TEKT2: variants seen among roughly 807,000 people sequenced by gnomAD.
TEKT2 encodes the protein tektin 2, also known as tektin-2.
Under a neutral mutation model 49.8 loss-of-function variants are expected in TEKT2, and 45 were observed. The ratio of observed to expected loss-of-function variants is 0.90; its 90% CI spans 0.71 to 1.16. TEKT2 has a LOEUF of 1.16. TEKT2 is among the 50% of genes most tolerant of loss of function. TEKT2 has a pLI of 0.00. For synonymous variants in TEKT2, 202 were observed against 224.6 expected (o/e 0.90, Z 0.90); for missense variants, 523 against 551.4 (o/e 0.95, Z 0.52).
chr1:36,085,461 A>T (rs1416058024), intron 3 of TEKT2, among the ~76,000 whole-genome samples, 173 bp downstream of exon 3: 10 of 114,134 alleles, frequency 8.8e-5, no homozygotes, highest in African/African-American at 3.4e-4. Context: ...CCCCACCAGC[A>T]CCCCCGCCCA....
intron 5 of TEKT2, 29 bp from the exon 6 acceptor site, chr1:36,086,902 A>G: frequency 6.2e-7 from 1 of 1,613,858 alleles, no homozygotes; most frequent in Non-Finnish European, 8.5e-7. Flanking sequence ...CCACACCCTC[A>G]TGACCCCCAT....
At position 36,087,476 on chromosome 1, in the gene TEKT2, G is replaced by A. The variant is rs561472596; in HGVS notation, c.893G>A (p.Arg298Gln). 3.1e-6 allele frequency: 5 copies of A among 1,613,788 alleles called. No homozygotes were observed. The highest frequency in any genetic ancestry group is 4.5e-5 in the East Asian group (2 of 44,884). Reference protein sequence around the residue: ...EEIAELQEDIRHLEEDLRTKL... With the variant: ...EEIAELQEDIQHLEEDLRTKL... Reference sequence around the variant, plus strand: ...ATCGCTGAGCTGCAGGAGGACATCCGGCACCTGGAGGAGGATCTGCGCACA... The same window carrying A: ...ATCGCTGAGCTGCAGGAGGACATCCAGCACCTGGAGGAGGATCTGCGCACA... Residue 298 changes from arginine (R) to glutamine (Q), a missense_variant, in exon 8 of 10, where the codon CGG becomes CAG. By Grantham distance (43) the Arg-to-Gln change is conservative. Coordinates refer to ENST00000207457, the MANE Select transcript of TEKT2 (RefSeq NM_014466.3). The surrounding 1 kb of genome is among the most constrained non-coding windows in gnomAD (Gnocchi z 4.9).
chr1:36,087,973 G>A lies in TEKT2; in HGVS notation c.1080G>A (p.Gln360=). Residue 360 remains glutamine, a splice_region_variant and synonymous_variant, in exon 10 of 10, where the codon CAG becomes CAA. Transcript: ENST00000207457. The surrounding 1 kb of genome is among the most constrained non-coding windows in gnomAD (Gnocchi z 4.9). ...AALKQKLAQA[Q]DALDALCKHL... ...GGGGGTTGTCAATGTCCTTCCCTAG[G>A]GACGCACTGGACGCCCTGTGCAAGC... 6.2e-7 allele frequency: 1 copy of A among 1,608,866 alleles called. No homozygotes were observed. The highest frequency in any genetic ancestry group is 1.1e-5 in the South Asian group (1 of 90,398).
chr1:36,085,242 A>G lies in TEKT2; in HGVS notation c.236A>G (p.Asp79Gly), dbSNP rs768854218. 24 of 1,614,054 alleles carry G rather than the reference A, an allele frequency of 1.5e-5. No homozygotes were observed. The East Asian group carries it at 2.7e-4, about 18-fold the overall frequency. Residue 79 changes from aspartate to glycine, a missense_variant, in exon 3 of 10, where the codon GAC becomes GGC. Transcript: ENST00000207457. ...DTVNRWKEML[D>G]KCLTDLDAEI... is the part of the protein sequence containing the mutation. Reference sequence around the variant, plus strand: ...GTCAACCGGTGGAAGGAGATGCTGGACAAGTGTCTGACAGATTTAGATGCC... The same window carrying G: ...GTCAACCGGTGGAAGGAGATGCTGGGCAAGTGTCTGACAGATTTAGATGCC...
intron 3 of TEKT2, 144 bp downstream of exon 3, chr1:36,085,432 G>A (rs576453896): frequency 9.6e-5 from 120 of 1,255,666 alleles, no homozygotes; most frequent in Middle Eastern, 2.6e-4. Context: ...GGGGACAAGC[G>A]CTACTTCCCC....
Position 36,088,060 on chromosome 1 carries a change from G to A in TEKT2, c.1167G>A (p.Lys389=), listed in dbSNP as rs1171470640. ...CCAACTCCATGCTGCTGGACACCAA[G>A]TGCATGGACACACGGCGCAAGCTGA... The part of the protein sequence containing the change: ...CKANSMLLDT[K]CMDTRRKLTV... The change falls in exon 10 of 10, where the codon AAG becomes AAA. Residue 389 remains lysine (K), a synonymous_variant. Transcript: ENST00000207457. 1.2e-6 allele frequency: 2 copies of A among 1,613,028 alleles called. No individual in the cohort carries two copies. The highest frequency in any genetic ancestry group is 4.5e-5 in the East Asian group (2 of 44,872).
chr1:36,087,311 T>C lies in TEKT2; in HGVS notation c.855T>C (p.Asn285=), dbSNP rs1227496093. The part of the protein sequence containing the change: ...VYSELKWQEK[N]TLEEIAELQE... ...GTGAGCTCAAGTGGCAAGAGAAGAA[T>C]GTGAGCATCTCCAGGGGCCTGGACT... The change falls in exon 7 of 10, where the codon AAT becomes AAC. Residue 285 remains asparagine (N), a splice_region_variant and synonymous_variant. Transcript: ENST00000207457. This position sits in a 1 kb window ranked among gnomAD's most constrained non-coding sequence, Gnocchi z 4.9. 2 of 1,614,052 alleles carry C rather than the reference T, an allele frequency of 1.2e-6. No homozygotes were observed. Among genetic ancestry groups the C allele is most frequent in the East Asian group, 2.2e-5 (1 of 44,876 alleles).
rs766312906 is a variant in TEKT2 at position 36,084,919 on chromosome 1, G to T, written c.-3G>T. On this transcript the variant is annotated 5_prime_UTR_variant, in exon 2 of 10. Transcript: ENST00000207457. This position sits in a 1 kb window ranked among gnomAD's most constrained non-coding sequence, Gnocchi z 4.1. Reference sequence around the variant, plus strand: ...GGTTTCTGACCCTTCTGGTTTCTGTGCCATGGCCACGCTGAGCGTCAAGCC... The same window carrying T: ...GGTTTCTGACCCTTCTGGTTTCTGTTCCATGGCCACGCTGAGCGTCAAGCC... The T allele has an allele frequency of 6.2e-7, 1 of 1,613,620 alleles. No homozygotes were observed. The highest frequency in any genetic ancestry group is 8.5e-7 in the Non-Finnish European group (1 of 1,180,050).
chr1:36,084,105 CTG>C lies in TEKT2; in HGVS notation c.-96_-95del, dbSNP rs1643326569. The C allele has an allele frequency of 6.6e-6, 1 of 152,320 alleles. No homozygotes were observed. The highest frequency in any genetic ancestry group is 2.1e-4 in the South Asian group (1 of 4,838). 9.4% of individuals were successfully genotyped at this position (152,320 alleles called of 1,614,324 possible). On this transcript the variant is annotated 5_prime_UTR_variant, in exon 1 of 10. Transcript: ENST00000207457. This position sits in a 1 kb window ranked among gnomAD's most constrained non-coding sequence, Gnocchi z 4.1. The stretch of plus-strand genomic sequence containing the variant: ...GCCTAGCAACCGGTGGTGCCAAACA[CTG>C]GAGCTCAGAGCGGGGGGCGCGGAGA...
chr1:36,086,773 C>T lies in TEKT2; in HGVS notation c.558C>T (p.Asp186=). The T allele has an allele frequency of 1.2e-6, 2 of 1,614,194 alleles. No individual in the cohort carries two copies. The highest frequency in any genetic ancestry group is 8.5e-7 in the Non-Finnish European group (1 of 1,180,028). Residue 186 remains aspartate, a synonymous_variant, in exon 5 of 10, where the codon GAC becomes GAT. Coordinates refer to ENST00000207457, the MANE Select transcript of TEKT2 (RefSeq NM_014466.3). ...HRGKMETLEI[D]RGCLSLNLRS... ...GCAAAATGGAGACACTAGAGATCGA[C>T]AGAGGCTGTCTCTCTCTCAACCTCA...
chr1:36,086,358 C>T (rs1643372918), intron 4 of TEKT2, among the ~76,000 whole-genome samples: 1 of 152,190 alleles, frequency 6.6e-6, no homozygotes, highest in African/African-American at 2.4e-5. Flanking sequence ...AGCGCAGCTA[C>T]ATCCGTGTGC....
chr1:36,087,086 G>C lies in TEKT2; in HGVS notation c.747+41G>C, dbSNP rs371193288. ...CAGCTAATGGATGGTCCCAGTGTGCGCTCAGCCCTTATCTTCTGTTCCCTG... is the reference window on the plus strand; with the variant it reads ...CAGCTAATGGATGGTCCCAGTGTGCCCTCAGCCCTTATCTTCTGTTCCCTG... On this transcript the variant is annotated intron_variant, in intron 6 of 9. Transcript: ENST00000207457. The surrounding 1 kb of genome is among the most constrained non-coding windows in gnomAD (Gnocchi z 4.9). 6.2e-7 allele frequency: 1 copy of C among 1,607,610 alleles called. No homozygotes were observed. Among genetic ancestry groups the C allele is most frequent in the Non-Finnish European group, 8.5e-7 (1 of 1,175,600 alleles).
Position 36,086,684 on chromosome 1 carries a change from G to C in TEKT2, c.489-20G>C. ...CTGGCCCTTGGGGGATGGTCCTGAT[G>C]GAGTCTGCGCTTTCCCCAGCCTCTT... On this transcript the variant is annotated intron_variant, in intron 4 of 9. Transcript: ENST00000207457. 6.2e-7 allele frequency: 1 copy of C among 1,613,936 alleles called. No homozygotes were observed.
chr1:36,087,589 G>A lies in TEKT2; in HGVS notation c.999+7G>A. 3 of 1,613,730 alleles carry A rather than the reference G, an allele frequency of 1.9e-6. No individual in the cohort carries two copies. Among genetic ancestry groups the A allele is most frequent in the Non-Finnish European group, 2.5e-6 (3 of 1,180,036 alleles). On this transcript the variant is annotated splice_region_variant and intron_variant, in intron 8 of 9. Coordinates refer to ENST00000207457, the MANE Select transcript of TEKT2 (RefSeq NM_014466.3). This position sits in a 1 kb window ranked among gnomAD's most constrained non-coding sequence, Gnocchi z 4.9. Reference sequence around the variant, plus strand: ...GGAACTCTGCCGGGACCAGGTGAGAGGGTGTCCCAGTGGCGCACGGGCCCC... The same window carrying A: ...GGAACTCTGCCGGGACCAGGTGAGAAGGTGTCCCAGTGGCGCACGGGCCCC...
Position 36,086,973 on chromosome 1 carries a change from C to T in TEKT2, c.675C>T (p.Asn225=), listed in dbSNP as rs1643387633. The T allele has an allele frequency of 6.2e-7, 1 of 1,613,956 alleles. No individual in the cohort carries two copies. The highest frequency in any genetic ancestry group is 1.3e-5 in the African/African-American group (1 of 75,028). The stretch of plus-strand genomic sequence containing the variant: ...AGTGGGATGACTTCAGTCGGTTCAA[C>T]AAGGACCGAGCGGAGGCTGAGATGA... The part of the protein sequence containing the change: ...LQQWDDFSRF[N]KDRAEAEMKA... Residue 225 remains asparagine (N), a synonymous_variant, in exon 6 of 10, where the codon AAC becomes AAT. Transcript: ENST00000207457.
In TEKT2 at chr1:36,087,183, GC is replaced by G; in HGVS notation, c.748-18del. 6.2e-7 allele frequency: 1 copy of G among 1,613,780 alleles called. No individual in the cohort carries two copies. The highest frequency in any genetic ancestry group is 1.7e-4 in the Middle Eastern group (1 of 6,058). ...AGCCCTGAGTGTAGACCCTCCCCTT[GC>G]CCTGTGTTTTCTCCTTCAGACCAAC... On this transcript the variant is annotated intron_variant, in intron 6 of 9. Coordinates refer to ENST00000207457, the MANE Select transcript of TEKT2 (RefSeq NM_014466.3). The surrounding 1 kb of genome is among the most constrained non-coding windows in gnomAD (Gnocchi z 4.9).
In TEKT2 at chr1:36,085,153, T is replaced by G. The variant is rs777184123; in HGVS notation, c.157-10T>G. ...TTGACACCCTCTCTATCTGGCTCTG[T>G]CTCTCTCAGACCATTTGGGATGAAC... On this transcript the variant is annotated splice_polypyrimidine_tract_variant and intron_variant, in intron 2 of 9. Coordinates refer to ENST00000207457, the MANE Select transcript of TEKT2 (RefSeq NM_014466.3). The G allele has an allele frequency of 3.7e-6, 6 of 1,614,166 alleles. No homozygotes were observed. The highest frequency in any genetic ancestry group is 3.3e-5 in the South Asian group (3 of 91,082).
At chr1:36,086,624 C>A in intron 4 of TEKT2, 80 bp from the exon 5 acceptor site, 1 of 1,591,062 alleles carries the variant, frequency 6.3e-7, no homozygotes, top group Non-Finnish European at 8.6e-7. Context: ...GCCTCCTCTT[C>A]CTGTGGTGTC....
Position 36,088,122 on chromosome 1 carries a change from C to T in TEKT2, c.1229C>T (p.Thr410Ile). ...PAERFVPEVDTFTRTTNSTLS... is the reference protein window; with the variant it reads ...PAERFVPEVDIFTRTTNSTLS... ...GAGAGGTTCGTGCCTGAGGTGGACA[C>T]CTTCACACGTACCACAAATAGCACC... The change falls in exon 10 of 10, where the codon ACC becomes ATC. Residue 410 changes from threonine (T) to isoleucine (I), a missense_variant. Thr to Ile is a moderately conservative substitution (Grantham distance 89). Coordinates refer to ENST00000207457, the MANE Select transcript of TEKT2 (RefSeq NM_014466.3). The T allele has an allele frequency of 1.2e-6, 2 of 1,613,122 alleles. No individual in the cohort carries two copies. The highest frequency in any genetic ancestry group is 1.7e-6 in the Non-Finnish European group (2 of 1,180,008).
Sources: allele counts gnomAD v4.1 joint callset (sites outside exome capture counted in the v4.1 genomes callset), GRCh38; gene constraint gnomAD v4.1.1; non-coding constraint Gnocchi (gnomAD v3.1); transcripts MANE v1.5; gene names NCBI Gene and HGNC (gene_info 2026-07-23, HGNC 2026-07-21).